Variants in ANGPTL5 observed in about 807,000 individuals in gnomAD.
The protein encoded by ANGPTL5 is angiopoietin like 5.
Under a neutral mutation model 39.4 loss-of-function variants are expected in ANGPTL5, and 34 were observed. The observed-to-expected ratio is 0.86, with a 90% confidence interval of 0.66 to 1.15. ANGPTL5 has a LOEUF of 1.15. ANGPTL5 is among the 50% of genes most tolerant of loss of function. ANGPTL5 has a pLI of 0.00. For missense variants in ANGPTL5, 467 were observed against 457.5 expected (o/e 1.02, Z -0.19); for synonymous variants, 146 against 152.1 (o/e 0.96, Z 0.29).
Position 101,900,474 on chromosome 11 carries a change from T to C in ANGPTL5, c.617A>G (p.Gln206Arg). ...ATCCAGATAATCACACCACAACCTC[T>C]GGAAATCAATTATCCCATCAATTCT... ...QKRIDGIIDF[Q>R]RLWCDYLDGF... The change falls in exon 7 of 9, where the codon CAG becomes CGG. Residue 206 changes from glutamine to arginine, a missense_variant. By Grantham distance (43) the Gln-to-Arg change is conservative (BLOSUM62 1). Coordinates refer to ENST00000334289, the MANE Select transcript of ANGPTL5 (RefSeq NM_178127.5). 1 of 1,613,604 alleles carries C rather than the reference T, an allele frequency of 6.2e-7. No homozygotes were observed. The highest frequency in any genetic ancestry group is 8.5e-7 in the Non-Finnish European group (1 of 1,179,702).
chr11:101,895,726 A>T (rs1041164071), intron 7 of ANGPTL5, among the ~76,000 whole-genome samples: 2 of 152,196 alleles, frequency 1.3e-5, no homozygotes, highest in African/African-American at 4.8e-5. Flanking sequence ...CCCAACTCGG[A>T]CTGCATACTT....
At chr11:101,914,864 C>T (rs1420598409) in intron 1 of ANGPTL5, among the ~76,000 whole-genome samples, 1 of 152,208 alleles carries the variant, frequency 6.6e-6, no homozygotes, top group Non-Finnish European at 1.5e-5. Context: ...GCTCACCCCT[C>T]GCGCAACAAC....
chr11:101,914,585 T>G (rs749680145), intron 1 of ANGPTL5, among the ~76,000 whole-genome samples: 1 of 152,066 alleles, frequency 6.6e-6, no homozygotes, highest in Non-Finnish European at 1.5e-5. Context: ...GAAGGAAAAT[T>G]TCCACTTCAC....
At chr11:101,911,838 C>T (rs559118712) in intron 1 of ANGPTL5, among the ~76,000 whole-genome samples, 36 of 152,342 alleles carry the variant, frequency 2.4e-4, no homozygotes, top group African/African-American at 8.2e-4. Flanking sequence ...TGGTCTTGTG[C>T]TGTTCTTTGA....
Position 101,915,615 on chromosome 11 carries a change from C to G in ANGPTL5, c.-93+404G>C, listed in dbSNP as rs183433186. ...TATCTAATTCTGTGGCTGCTTCCCC[C>G]CATCACCCTGTTATCCTACTCCCAT... On this transcript the variant is annotated intron_variant, in intron 1 of 8. Coordinates refer to ENST00000334289, the MANE Select transcript of ANGPTL5 (RefSeq NM_178127.5). Among the ~76,000 whole-genome samples the G allele has an allele frequency of 4.1e-3, 630 of 152,264 alleles. 5 individuals are homozygous for G. The highest frequency in any genetic ancestry group is 0.015 in the African/African-American group (608 of 41,552).
chr11:101,911,242 G>A (rs1044164959), intron 1 of ANGPTL5, among the ~76,000 whole-genome samples: 3 of 149,808 alleles, frequency 2.0e-5, no homozygotes, highest in African/African-American at 2.5e-5. Context: ...TCCTTCCTCC[G>A]CCTCCCAAGT....
At chr11:101,905,322 T>G (rs1206568018) in intron 4 of ANGPTL5, among the ~76,000 whole-genome samples, 1 of 152,196 alleles carries the variant, frequency 6.6e-6, no homozygotes, top group East Asian at 1.9e-4. Context: ...TCAGTTTTCC[T>G]TAAATACTCA....
chr11:101,901,929 T>C (rs1355056221), intron 6 of ANGPTL5, among the ~76,000 whole-genome samples: 2 of 151,732 alleles, frequency 1.3e-5, no homozygotes, highest in Admixed American at 1.3e-4. Context: ...AATATATATA[T>C]AATATATATA....
chr11:101,907,812 A>C lies in ANGPTL5; in HGVS notation c.96+2T>G. 1 of 1,575,424 alleles carries C rather than the reference A, an allele frequency of 6.3e-7. No individual in the cohort carries two copies. The highest frequency in any genetic ancestry group is 1.1e-5 in the South Asian group (1 of 90,126). On this transcript the variant is annotated splice_donor_variant, in intron 2 of 8. Transcript: ENST00000334289. LOFTEE classifies it high-confidence loss of function. ...CTAATATAATATTGCTAAAATTCTT[A>C]CCGTAGAATGATGTACACAGTTACC...
At position 101,891,544 on chromosome 11, in the gene ANGPTL5, C is replaced by G. The variant is rs778736384; in HGVS notation, c.902G>C (p.Ser301Thr). 1.2e-6 allele frequency: 2 copies of G among 1,614,004 alleles called. No homozygotes were observed. The highest frequency in any genetic ancestry group is 1.7e-6 in the Non-Finnish European group (2 of 1,179,978). Residue 301 changes from serine (S) to threonine (T), a missense_variant, in exon 9 of 9, where the codon AGC becomes ACC. Coordinates refer to ENST00000334289, the MANE Select transcript of ANGPTL5 (RefSeq NM_178127.5). ...CCCATCATTATCAACATCTGATGTG[C>G]TAAAAGGCATTGCATTTTGATTATC... The part of the protein sequence containing the change: ...KEDNQNAMPF[S>T]TSDVDNDGCR...
chr11:101,910,429 A>ATG (rs1940073707), intron 1 of ANGPTL5, among the ~76,000 whole-genome samples: 1 of 123,800 alleles, frequency 8.1e-6, no homozygotes, highest in Non-Finnish European at 1.7e-5. Context: ...AAAAAAATAT[A>ATG]TATATATATA....
chr11:101,900,919 C>T (rs1310080876), intron 6 of ANGPTL5, among the ~76,000 whole-genome samples: 11 of 151,606 alleles, frequency 7.3e-5, no homozygotes, highest in East Asian at 3.9e-4. Flanking sequence ...TGGCGCGATC[C>T]CGGCTCACTG....
chr11:101,896,212 T>C (rs998394310), intron 7 of ANGPTL5, among the ~76,000 whole-genome samples: 1 of 151,552 alleles, frequency 6.6e-6, no homozygotes, highest in African/African-American at 2.4e-5. Flanking sequence ...ATTGAGAGTC[T>C]AACTCTGTCA....
intron 7 of ANGPTL5, among the ~76,000 whole-genome samples, chr11:101,898,987 A>T (rs1939846576): frequency 6.6e-6 from 1 of 152,218 alleles, no homozygotes; most frequent in South Asian, 2.1e-4. Context: ...CATCCCAGGG[A>T]TGAAGCCAAC....
intron 1 of ANGPTL5, among the ~76,000 whole-genome samples, chr11:101,909,243 C>A (rs1940051193): frequency 6.6e-6 from 1 of 152,208 alleles, no homozygotes; most frequent in African/African-American, 2.4e-5. Context: ...ACAATCATAT[C>A]TCTTATTTGT....
At chr11:101,914,929 G>A in intron 1 of ANGPTL5, 1 of 222,366 alleles carries the variant, frequency 4.5e-6, no homozygotes, top group Non-Finnish European at 8.8e-6. Flanking sequence ...TGGAGGGGCC[G>A]CCGGAGCCTG....
At chr11:101,908,780 C>CAAAAAAAA (rs59041644) in intron 1 of ANGPTL5, among the ~76,000 whole-genome samples, 4 of 64,956 alleles carry the variant, frequency 6.2e-5, no homozygotes, top group African/African-American at 1.5e-4. Flanking sequence ...GACTCCATCT[C>CAAAAAAAA]AAAAAAAAAA....
chr11:101,907,080 TTTTG>T lies in ANGPTL5; in HGVS notation c.241+19_241+22del, dbSNP rs769795554. 60 of 1,479,972 alleles carry T rather than the reference TTTTG, an allele frequency of 4.1e-5. No homozygotes were observed. The highest frequency in any genetic ancestry group is 7.1e-5 in the East Asian group (3 of 42,106). The allele number at this position is 1,479,972 out of a possible 1,614,324, so 91.7% of individuals were successfully genotyped here. A position where few individuals can be genotyped will look rare whatever the true frequency, so the allele number is the denominator to read the frequency against. On this transcript the variant is annotated intron_variant, in intron 3 of 8. Transcript: ENST00000334289. ...AATAATGAATCATATACTCTTATTA[TTTTG>T]TTTATTTTTAATACTTACTACACAT...
intron 6 of ANGPTL5, among the ~76,000 whole-genome samples, chr11:101,901,729 A>T (rs1939903319): frequency 1.3e-5 from 2 of 152,262 alleles, no homozygotes; most frequent in Middle Eastern, 3.4e-3. Flanking sequence ...TAATTTTAAA[A>T]TTATTTCCCA....
Sources: allele counts gnomAD v4.1 joint callset (sites outside exome capture counted in the v4.1 genomes callset), GRCh38; gene constraint gnomAD v4.1.1; transcripts MANE v1.5; gene names NCBI Gene and HGNC (gene_info 2026-07-23, HGNC 2026-07-21).